The following TBC1D19 variants were observed in gnomAD, a reference collection of about 807,000 sequenced individuals.
TBC1D19 encodes the protein TBC1 domain family, member 19.
A neutral mutation model predicts 89.0 loss-of-function variants in TBC1D19; 60 were observed. The ratio of observed to expected loss-of-function variants is 0.67; its 90% CI spans 0.55 to 0.84. The LOEUF (loss-of-function observed/expected upper bound fraction) is 0.84, where lower values mean the gene tolerates loss of function less well. TBC1D19 is among the 40% of genes least tolerant of loss of function. TBC1D19 has a pLI of 0.00. For missense variants in TBC1D19, 500 were observed against 610.8 expected (o/e 0.82, Z 1.91); for synonymous variants, 189 against 199.7 (o/e 0.95, Z 0.45).
chr4:26,624,895 C>T (rs1303950384), intron 4 of TBC1D19, among the ~76,000 whole-genome samples: 4 of 151,900 alleles, frequency 2.6e-5, no homozygotes, highest in Non-Finnish European at 5.9e-5. Flanking sequence ...AAGTTTCGTC[C>T]ACGCACTGGG....
At chr4:26,730,666 C>T (rs1717600152) in intron 15 of TBC1D19, among the ~76,000 whole-genome samples, 1 of 152,220 alleles carries the variant, frequency 6.6e-6, no homozygotes. Flanking sequence ...GACTCTTCAT[C>T]CTTCCCTAGC....
At chr4:26,827,180 A>T in the TBC1D19 span, among the ~76,000 whole-genome samples, 1 of 152,378 alleles carries the variant, frequency 6.6e-6, no homozygotes, top group East Asian at 1.9e-4. Flanking sequence ...CAATCACAGT[A>T]AGTGGCAAAT....
At chr4:26,844,090 A>C in the TBC1D19 span, among the ~76,000 whole-genome samples, 21,202 of 152,204 alleles carry the variant, frequency 0.14, 1,995 homozygotes, top group Non-Finnish European at 0.2. Flanking sequence ...ATAACCTTAA[A>C]ATAAAGCAGG....
Position 26,749,635 on chromosome 4 carries a change from C to T in TBC1D19, c.1435+1109C>T, listed in dbSNP as rs187056778. The stretch of plus-strand genomic sequence containing the variant: ...GTAATTTTTGTATTTTTAGTAGAGA[C>T]GGGGTTTTACCATGTTGGCCAGGTT... On this transcript the variant is annotated intron_variant, in intron 19 of 20. Transcript: ENST00000264866. Among the ~76,000 whole-genome samples the T allele has an allele frequency of 8.7e-3, 1,323 of 151,930 alleles. 16 individuals are homozygous for T. Among genetic ancestry groups the T allele is most frequent in the African/African-American group, 0.028 (1,155 of 41,456 alleles).
chr4:26,603,892 C>T (rs1405181851), intron 1 of TBC1D19, among the ~76,000 whole-genome samples: 1 of 152,026 alleles, frequency 6.6e-6, no homozygotes, highest in African/African-American at 2.4e-5. Context: ...GTGCAGCCAT[C>T]CTCACCATCC....
intron 7 of TBC1D19, 27 bp downstream of exon 7, chr4:26,640,214 A>G (rs776394679): frequency 2.7e-5 from 41 of 1,494,216 alleles, no homozygotes; most frequent in Non-Finnish European, 3.7e-5. Flanking sequence ...AAATACACAT[A>G]TATTAATGAA....
At chr4:26,792,024 G>A in the TBC1D19 span, among the ~76,000 whole-genome samples, 2 of 152,140 alleles carry the variant, frequency 1.3e-5, no homozygotes, top group African/African-American at 4.8e-5. Flanking sequence ...AGGTGGTCTG[G>A]GAATTCAGAA....
chr4:26,749,172 T>A (rs950209909), intron 19 of TBC1D19, among the ~76,000 whole-genome samples: 2 of 152,206 alleles, frequency 1.3e-5, no homozygotes, highest in Non-Finnish European at 2.9e-5. Flanking sequence ...ATTATATGAT[T>A]ACAAAGAAGG....
chr4:26,696,767 A>G (rs765113925), intron 13 of TBC1D19, among the ~76,000 whole-genome samples: 1 of 152,256 alleles, frequency 6.6e-6, no homozygotes. Flanking sequence ...TACTGGGTAC[A>G]TAACGAAATG....
At chr4:26,835,546 G>A in the TBC1D19 span, among the ~76,000 whole-genome samples, 1 of 152,258 alleles carries the variant, frequency 6.6e-6, no homozygotes, top group South Asian at 2.1e-4. Flanking sequence ...TAAAGGCAAG[G>A]CAGAATCGTA....
chr4:26,739,084 CT>C (rs1718202129), intron 16 of TBC1D19, among the ~76,000 whole-genome samples: 1 of 152,098 alleles, frequency 6.6e-6, no homozygotes, highest in Admixed American at 6.5e-5. Context: ...GCCTAAAATA[CT>C]TAAGGCTTGA....
chr4:26,624,296 C>T (rs1014035216), intron 4 of TBC1D19, among the ~76,000 whole-genome samples: 1 of 152,164 alleles, frequency 6.6e-6, no homozygotes, highest in African/African-American at 2.4e-5. Flanking sequence ...AAAGGGATCT[C>T]TCTCTTGAAC....
At chr4:26,767,555 C>T in the TBC1D19 span, among the ~76,000 whole-genome samples, 1 of 152,142 alleles carries the variant, frequency 6.6e-6, no homozygotes, top group African/African-American at 2.4e-5. Context: ...CCCTCTCACT[C>T]TTCTCACACA....
the TBC1D19 span, among the ~76,000 whole-genome samples, chr4:26,819,569 C>G: frequency 1.3e-5 from 2 of 152,256 alleles, no homozygotes; most frequent in Non-Finnish European, 2.9e-5. Flanking sequence ...CAGTCATCAT[C>G]ATGGCAAAAG....
chr4:26,847,556 G>A, the TBC1D19 span, among the ~76,000 whole-genome samples: 46 of 152,298 alleles, frequency 3.0e-4, no homozygotes, highest in East Asian at 7.1e-3. Context: ...AGACTGAACG[G>A]GAAGGAGAGC....
At chr4:26,693,549 G>T (rs1411755257) in intron 13 of TBC1D19, among the ~76,000 whole-genome samples, 4 of 152,002 alleles carry the variant, frequency 2.6e-5, no homozygotes, top group Non-Finnish European at 4.4e-5. Flanking sequence ...AAAAAAATTA[G>T]CTGGGTGTAG....
the TBC1D19 span, among the ~76,000 whole-genome samples, chr4:26,826,674 T>C: frequency 6.6e-6 from 1 of 152,212 alleles, no homozygotes; most frequent in Non-Finnish European, 1.5e-5. Flanking sequence ...TAACAATGAA[T>C]AGAGTCCAGT....
At chr4:26,594,845 T>C (rs1459167509) in intron 1 of TBC1D19, among the ~76,000 whole-genome samples, 1 of 152,224 alleles carries the variant, frequency 6.6e-6, no homozygotes, top group Non-Finnish European at 1.5e-5. Flanking sequence ...CACTCCAGCC[T>C]GGCGAAAGAG....
At chr4:26,832,247 C>T in the TBC1D19 span, among the ~76,000 whole-genome samples, 20 of 152,114 alleles carry the variant, frequency 1.3e-4, no homozygotes, top group Non-Finnish European at 1.8e-4. Flanking sequence ...TAAAACAATC[C>T]TTTTGCCCTA....
Sources: allele counts gnomAD v4.1 joint callset (sites outside exome capture counted in the v4.1 genomes callset), GRCh38; gene constraint gnomAD v4.1.1; transcripts MANE v1.5; gene names NCBI Gene and HGNC (gene_info 2026-07-23, HGNC 2026-07-21).